Variants in DPEP1 observed in about 807,000 individuals in gnomAD.
DPEP1 encodes dipeptidase 1.
In DPEP1, 50 loss-of-function variants were observed where a neutral mutation model predicts 42.3. The observed-to-expected ratio is 1.18, with a 90% CI of 0.94 to 1.50. DPEP1 has a LOEUF of 1.50. Among genes scored for constraint, DPEP1 ranks in the 40% most tolerant of loss-of-function variants. The pLI is 0.00. For synonymous variants in DPEP1, 297 were observed against 234.0 expected (o/e 1.27, Z -2.46); for missense variants, 663 against 553.0 (o/e 1.20, Z -1.99).
intron 1 of DPEP1, among the ~76,000 whole-genome samples, chr16:89,625,953 G>A (rs540245141): frequency 1.1e-4 from 17 of 152,282 alleles, no homozygotes; most frequent in African/African-American, 3.6e-4. Flanking sequence ...CCCCCAGGAC[G>A]CCCTCGTGTT....
rs145664433 is a variant in DPEP1, at chr16:89,638,170, G to C, written c.1184G>C (p.Gly395Ala). Residue 395 changes from glycine to alanine, a missense_variant, in exon 11 of 11, where the codon GGG becomes GCG. Physicochemically the swap from Gly to Ala is moderately conservative, Grantham distance 60. Transcript: ENST00000690203. ...GCTTCCAGCCTCCATCGCCACTGGG[G>C]GCTCCTGCTGGCCTCCCTCGCTCCC... ...SGASSLHRHW[G>A]LLLASLAPLV... 1 of 1,604,460 alleles carries C rather than the reference G, an allele frequency of 6.2e-7. No individual in the cohort carries two copies. The highest frequency in any genetic ancestry group is 1.7e-5 in the Admixed American group (1 of 59,414).
rs774801455 is a variant in DPEP1 at position 89,637,153 on chromosome 16, G to A, written c.592-51G>A. 12 of 1,583,976 alleles carry A rather than the reference G, an allele frequency of 7.6e-6. No individual in the cohort carries two copies. The South Asian group carries it at 8.0e-5, about 11-fold the overall frequency. On this transcript the variant is annotated intron_variant, in intron 6 of 10. Coordinates refer to ENST00000690203, the MANE Select transcript of DPEP1 (RefSeq NM_001389466.1). Reference sequence around the variant, plus strand: ...CATCTGGTCCAGCCCGTCCACCTCCGCAGCCCCGACCCTGGGGGCTGTGAG... The same window carrying A: ...CATCTGGTCCAGCCCGTCCACCTCCACAGCCCCGACCCTGGGGGCTGTGAG...
chr16:89,635,761 A>G, intron 2 of DPEP1, 147 bp from the exon 3 acceptor site: 1 of 1,151,124 alleles, frequency 8.7e-7, no homozygotes, highest in Non-Finnish European at 1.2e-6. Context: ...GTGGCCGGTG[A>G]TATGTCACCC....
At chr16:89,641,172 C>T (rs1433070404), downstream of DPEP1, among the ~76,000 whole-genome samples, 2 of 152,302 alleles carry the variant, frequency 1.3e-5, no homozygotes, top group Middle Eastern at 3.4e-3. Context: ...GGAGCGTGAC[C>T]GCTGAAACAC....
chr16:89,632,603 C>T (rs181848418), intron 2 of DPEP1, among the ~76,000 whole-genome samples: 2 of 152,176 alleles, frequency 1.3e-5, no homozygotes, highest in African/African-American at 4.8e-5. Context: ...AGCAGGACGC[C>T]GGCTTCCATA....
intron 1 of DPEP1, chr16:89,616,863 G>T: frequency 4.2e-6 from 1 of 238,612 alleles, no homozygotes; most frequent in Non-Finnish European, 8.5e-6. Flanking sequence ...GAAGCAGGCA[G>T]GAAGTGGGCA....
At chr16:89,641,529 G>T (rs1047400923), downstream of DPEP1, among the ~76,000 whole-genome samples, 1 of 152,164 alleles carries the variant, frequency 6.6e-6, no homozygotes, top group Non-Finnish European at 1.5e-5. Context: ...AAAGAGTAAT[G>T]CCACAAACTG....
At chr16:89,618,111 T>C (rs6500435) in intron 1 of DPEP1, among the ~76,000 whole-genome samples, 150,391 of 152,354 alleles carry the variant, frequency 0.99, 74,256 homozygotes, top group East Asian at 1. Flanking sequence ...ATTTACCATT[T>C]ATCTTCATAT....
chr16:89,637,690 C>G lies in DPEP1; in HGVS notation c.912C>G (p.Asp304Glu), dbSNP rs758263672. 2 of 1,613,030 alleles carry G rather than the reference C, an allele frequency of 1.2e-6. No individual in the cohort carries two copies. The highest frequency in any genetic ancestry group is 2.2e-5 in the South Asian group (2 of 91,082). Residue 304 changes from aspartate (D) to glutamate (E), a missense_variant, in exon 9 of 11, where the codon GAC (aspartate) becomes GAG (glutamate). Transcript: ENST00000690203. Reference protein sequence around the residue: ...AGARAVGFGGDFDGVPRVPEG... With the variant: ...AGARAVGFGGEFDGVPRVPEG... ...CCAGAGCCGTGGGTTTTGGTGGGGA[C>G]TTTGATGGTGTTCCAAGGTAAGGGG...
At chr16:89,621,540 GGGCTCCCCGTGGAGCTGCA>G (rs1165400316) in intron 1 of DPEP1, among the ~76,000 whole-genome samples, 4 of 152,118 alleles carry the variant, frequency 2.6e-5, no homozygotes, top group African/African-American at 9.7e-5. Context: ...AGACAGGGCC[GGGCTCCCCGTGGAGCTGCA>G]GGCTCCCGAT....
intron 2 of DPEP1, among the ~76,000 whole-genome samples, chr16:89,635,104 TCCC>T (rs2059655018): frequency 2.9e-5 from 2 of 68,666 alleles, no homozygotes; most frequent in African/African-American, 1.5e-4. Context: ...CCTTCTCCTT[TCCC>T]TTCCTTCTCC....
At chr16:89,627,133 C>T (rs1597754182) in intron 1 of DPEP1, among the ~76,000 whole-genome samples, 2 of 151,810 alleles carry the variant, frequency 1.3e-5, no homozygotes, top group East Asian at 2.0e-4. Flanking sequence ...ATTAGCCGGG[C>T]GTGGTGGCGG....
downstream of DPEP1, chr16:89,638,532 A>T: frequency 8.5e-7 from 1 of 1,176,086 alleles, no homozygotes; most frequent in Non-Finnish European, 1.1e-6. Context: ...TCCTGGATCG[A>T]GTCTTCGGTC....
chr16:89,615,618 C>G (rs1349004103), intron 1 of DPEP1, among the ~76,000 whole-genome samples: 1 of 152,200 alleles, frequency 6.6e-6, no homozygotes, highest in Admixed American at 6.5e-5. Flanking sequence ...ACAGGCAGAG[C>G]CCACCCTGAG....
chr16:89,613,744 G>A (rs372068916), intron 1 of DPEP1, 25 bp downstream of exon 1: 125 of 154,124 alleles, frequency 8.1e-4, no homozygotes, highest in African/African-American at 2.7e-3. Flanking sequence ...GAGTCGGTGC[G>A]CCAGGGTACT....
At chr16:89,627,651 C>CTTTTT (rs1175287086) in intron 1 of DPEP1, among the ~76,000 whole-genome samples, 1 of 52,840 alleles carries the variant, frequency 1.9e-5, no homozygotes, top group Admixed American at 2.5e-4. Flanking sequence ...GATATTTCTT[C>CTTTTT]TTTTTTTTTT....
chr16:89,617,251 G>A (rs377256777), intron 1 of DPEP1, among the ~76,000 whole-genome samples: 3 of 152,130 alleles, frequency 2.0e-5, no homozygotes, highest in African/African-American at 7.2e-5. Flanking sequence ...ATGCCCTGAG[G>A]ACACTGCATG....
chr16:89,640,451 A>C, downstream of DPEP1: 2 of 575,036 alleles, frequency 3.5e-6, no homozygotes, highest in Non-Finnish European at 4.4e-6. Context: ...GGAGGCCCTG[A>C]GTCGAGGAGC....
In DPEP1 at chr16:89,614,065, G is replaced by A. The variant is rs1041423278; in HGVS notation, c.-107+346G>A. On this transcript the variant is annotated intron_variant, in intron 1 of 10. Coordinates refer to ENST00000690203, the MANE Select transcript of DPEP1 (RefSeq NM_001389466.1). ...GCCAGGTGTGTGGGGCAGGGGACGC[G>A]GCTGCTTCCTGGGATTCTAGGAAAC... is the stretch of plus-strand genomic sequence containing the variant. Among the ~76,000 whole-genome samples the A allele has an allele frequency of 4.0e-5, 6 of 151,054 alleles. 1 individual carries two copies. The South Asian group carries it at 1.0e-3, about 26-fold the overall frequency.
Sources: allele counts gnomAD v4.1 joint callset (sites outside exome capture counted in the v4.1 genomes callset), GRCh38; gene constraint gnomAD v4.1.1; transcripts MANE v1.5; gene names NCBI Gene and HGNC (gene_info 2026-07-23, HGNC 2026-07-21).